The following COL8A1 variants were observed in gnomAD, a reference collection of about 807,000 sequenced individuals.
COL8A1 encodes the protein collagen alpha-1(VIII) chain.
Under a neutral mutation model 42.7 loss-of-function variants are expected in COL8A1, and 21 were observed. The ratio of observed to expected loss-of-function variants is 0.49; its 90% CI spans 0.35 to 0.71. COL8A1 has a LOEUF of 0.71. COL8A1 is among the 30% of genes least tolerant of loss of function. COL8A1 has a pLI of 0.01. For synonymous variants in COL8A1, 367 were observed against 369.1 expected, an observed-to-expected ratio of 0.99 and a Z score of 0.06; for missense variants, 788 against 962.4, an observed-to-expected ratio of 0.82 and a Z score of 2.40.
chr3:99,756,616 T>G (rs1308835340), intron 2 of COL8A1, among the ~76,000 whole-genome samples: 1 of 152,176 alleles, frequency 6.6e-6, no homozygotes, highest in Non-Finnish European at 1.5e-5. Context: ...TCTTGAGAAA[T>G]AAATGTTACA....
At chr3:99,746,778 A>G (rs759371371) in intron 2 of COL8A1, among the ~76,000 whole-genome samples, 3 of 152,256 alleles carry the variant, frequency 2.0e-5, no homozygotes, top group Non-Finnish European at 4.4e-5. Context: ...AATCACATTT[A>G]TTCAACATGG....
Position 99,735,779 on chromosome 3 carries a change from C to T in COL8A1, c.-128-9118C>T, listed in dbSNP as rs893664722. Among the ~76,000 whole-genome samples the T allele has an allele frequency of 4.5e-3, 681 of 152,092 alleles. 6 individuals carry two copies. The highest frequency in any genetic ancestry group is 0.015 in the African/African-American group (612 of 41,500). On this transcript the variant is annotated intron_variant, in intron 1 of 3. Transcript: ENST00000652472. ...GAATTCGGCTGTGAATCCATCTGGT[C>T]CTGGACTCTTTTTGCTTGGTAAGCT...
intron 1 of COL8A1, among the ~76,000 whole-genome samples, chr3:99,655,959 C>A (rs1293401601): frequency 6.6e-6 from 1 of 152,108 alleles, no homozygotes; most frequent in Non-Finnish European, 1.5e-5. Context: ...TATACAAACA[C>A]AAGAATTTAG....
At chr3:99,737,003 T>C (rs1379625375) in intron 1 of COL8A1, among the ~76,000 whole-genome samples, 1 of 152,212 alleles carries the variant, frequency 6.6e-6, no homozygotes, top group Non-Finnish European at 1.5e-5. Context: ...TCTTTGTCTC[T>C]TTTGATCTTT....
At chr3:99,744,747 A>C (rs1940986332) in intron 1 of COL8A1, 150 bp from the exon 2 acceptor site, 1 of 152,256 alleles carries the variant, frequency 6.6e-6, no homozygotes. Flanking sequence ...TTGAACAAAA[A>C]CTACATATAG....
At chr3:99,791,265 T>C (rs566389693) in intron 3 of COL8A1, among the ~76,000 whole-genome samples, 423 of 152,346 alleles carry the variant, frequency 2.8e-3, no homozygotes, top group African/African-American at 9.5e-3. Flanking sequence ...TCACAAATAG[T>C]CTATCCCCTT....
chr3:99,762,496 T>C (rs1941383423), intron 2 of COL8A1, among the ~76,000 whole-genome samples: 1 of 152,232 alleles, frequency 6.6e-6, no homozygotes, highest in South Asian at 2.1e-4. Flanking sequence ...GAGTTCTGAA[T>C]GCGAAGATGC....
chr3:99,701,181 A>G (rs1447218677), intron 1 of COL8A1, among the ~76,000 whole-genome samples: 1 of 152,200 alleles, frequency 6.6e-6, no homozygotes, highest in African/African-American at 2.4e-5. Flanking sequence ...TTTTTAGTTT[A>G]GTCTATTAAG....
intron 1 of COL8A1, among the ~76,000 whole-genome samples, chr3:99,706,321 A>G (rs1939679626): frequency 6.6e-6 from 1 of 152,214 alleles, no homozygotes; most frequent in Admixed American, 6.5e-5. Context: ...TTTTAAAAGC[A>G]GAGGAAATTT....
chr3:99,729,830 G>A (rs1409921331), intron 1 of COL8A1, among the ~76,000 whole-genome samples: 1 of 151,994 alleles, frequency 6.6e-6, no homozygotes, highest in African/African-American at 2.4e-5. Context: ...TACTCTATGA[G>A]AAGGTAAGAA....
Position 99,790,717 on chromosome 3 carries a change from G to A in COL8A1, c.35G>A (p.Gly12Glu). 1 of 1,614,144 alleles carries A rather than the reference G, an allele frequency of 6.2e-7. No homozygotes were observed. The highest frequency in any genetic ancestry group is 8.5e-7 in the Non-Finnish European group (1 of 1,180,036). ...CTGCCTGGCCCTCTGCAGCTGCTGG[G>A]AGTGCTGCTTACCATTTCCCTGAGT... ...AVLPGPLQLL[G>E]VLLTISLSSI... The change falls in exon 3 of 4, where the codon GGA becomes GAA. Residue 12 changes from glycine to glutamate, a missense_variant. By Grantham distance (98) the Gly-to-Glu change is moderately conservative. Coordinates refer to ENST00000652472, the MANE Select transcript of COL8A1 (RefSeq NM_020351.4).
chr3:99,682,474 A>G (rs1254724486), intron 1 of COL8A1, among the ~76,000 whole-genome samples: 1 of 152,128 alleles, frequency 6.6e-6, no homozygotes, highest in East Asian at 1.9e-4. Flanking sequence ...TTGTCACAGT[A>G]TTATAATCAC....
chr3:99,687,477 T>C (rs916347666), intron 1 of COL8A1, among the ~76,000 whole-genome samples: 4 of 152,184 alleles, frequency 2.6e-5, no homozygotes, highest in Non-Finnish European at 5.9e-5. Context: ...GAGGAGTAGA[T>C]GAGAGAATTG....
At position 99,795,114 on chromosome 3, in the gene COL8A1, G is replaced by A. The variant is rs1187681192; in HGVS notation, c.1213G>A (p.Gly405Ser). The stretch of plus-strand genomic sequence containing the variant: ...AATCCCAGGTCCTATGGGCCCTCCA[G>A]GTGCTATTGGTTTTCCTGGACCCAA... ...PGIPGPMGPP[G>S]AIGFPGPKGE... The change falls in exon 4 of 4, where the codon GGT becomes AGT. Residue 405 changes from glycine (G) to serine (S), a missense_variant. This residue lies in a region of COL8A1 where 421 missense variants were observed against 553.1 expected (regional missense o/e 0.76). Transcript: ENST00000652472. The A allele has an allele frequency of 1.2e-6, 2 of 1,613,672 alleles. No homozygotes were observed. Among genetic ancestry groups the A allele is most frequent in the Non-Finnish European group, 1.7e-6 (2 of 1,179,798 alleles).
At chr3:99,779,282 A>G (rs1178528543) in intron 2 of COL8A1, among the ~76,000 whole-genome samples, 1 of 152,212 alleles carries the variant, frequency 6.6e-6, no homozygotes, top group African/African-American at 2.4e-5. Context: ...CAATAAATAA[A>G]TGTTTGTTGT....
At chr3:99,702,846 G>A (rs1327466654) in intron 1 of COL8A1, among the ~76,000 whole-genome samples, 1 of 152,178 alleles carries the variant, frequency 6.6e-6, no homozygotes, top group Non-Finnish European at 1.5e-5. Context: ...TGAAGAAAAC[G>A]TGTTGTTAGG....
At chr3:99,662,281 C>T (rs987921401) in intron 1 of COL8A1, among the ~76,000 whole-genome samples, 5 of 151,126 alleles carry the variant, frequency 3.3e-5, no homozygotes, top group Non-Finnish European at 7.4e-5. Context: ...ACTGGGGAGG[C>T]GGAGGCAGGA....
intron 1 of COL8A1, among the ~76,000 whole-genome samples, chr3:99,644,717 C>T (rs977508794): frequency 6.6e-6 from 1 of 152,214 alleles, no homozygotes; most frequent in African/African-American, 2.4e-5. Context: ...GATGTGTTTA[C>T]ATCACAGGAT....
At chr3:99,710,577 C>T (rs994515734) in intron 1 of COL8A1, among the ~76,000 whole-genome samples, 1 of 152,134 alleles carries the variant, frequency 6.6e-6, no homozygotes, top group Admixed American at 6.5e-5. Flanking sequence ...TTTCACAAAC[C>T]TTCCATGAGT....
Sources: gnomAD v4.1 joint callset for allele counts (sites outside exome capture counted in the v4.1 genomes callset) on GRCh38, gnomAD v4.1.1 for gene constraint, gnomAD v4.1.1 regional missense constraint, MANE v1.5 for transcripts, NCBI Gene and HGNC (gene_info 2026-07-23, HGNC 2026-07-21) for gene names.